FAT1: variants seen among roughly 807,000 people sequenced by gnomAD.
The protein encoded by FAT1 is FAT atypical cadherin 1, also known as protocadherin Fat 1.
In FAT1, 171 loss-of-function variants were observed where a neutral mutation model predicts 329.8. The ratio of observed to expected loss-of-function variants is 0.52; its 90% confidence interval spans 0.46 to 0.59. The LOEUF is 0.59. FAT1 is among the 20% of genes least tolerant of loss of function. FAT1 has a pLI of 0.00. For missense variants in FAT1, 5,672 were observed against 5,774.4 expected (o/e 0.98, Z 0.57); for synonymous variants, 2,233 against 2,228.6 (o/e 1.00, Z -0.06).
chr4:186,644,361 T>C (rs1741258158), intron 3 of FAT1, among the ~76,000 whole-genome samples: 1 of 152,236 alleles, frequency 6.6e-6, no homozygotes, highest in African/African-American at 2.4e-5. Flanking sequence ...TTGTGTTTCA[T>C]CTTCCTCTTC....
rs1268387615 is a variant in FAT1 at position 186,588,380 on chromosome 4, C to T, written c.*212G>A. 5.4e-6 allele frequency: 3 copies of T among 555,426 alleles called. No individual in the cohort carries two copies. Among genetic ancestry groups the T allele is most frequent in the South Asian group, 6.0e-5 (2 of 33,328 alleles). 34.4% of individuals were successfully genotyped at this position (555,426 alleles called of 1,614,324 possible). A position where few individuals can be genotyped will look rare whatever the true frequency, so the allele number is the denominator to read the frequency against. The stretch of plus-strand genomic sequence containing the variant: ...ACAGACAGATGTAAATCCCAAAAGA[C>T]GTTGGGAAATGGCACAGCCGATGAA... On this transcript the variant is annotated 3_prime_UTR_variant, in exon 27 of 27. Transcript: ENST00000441802.
In FAT1 at chr4:186,619,403, A is replaced by G. The variant is rs371310336; in HGVS notation, c.7183T>C (p.Tyr2395His). 35 of 1,613,880 alleles carry G rather than the reference A, an allele frequency of 2.2e-5. No individual in the cohort carries two copies. Among genetic ancestry groups the G allele is most frequent in the Middle Eastern group, 1.6e-4 (1 of 6,080 alleles). Residue 2395 changes from tyrosine (Y) to histidine (H), a missense_variant, in exon 10 of 27, where the codon TAT (tyrosine) becomes CAT (histidine). Tyr to His is a moderately conservative substitution (Grantham distance 83). This residue lies in a region of FAT1 where 3,966 missense variants were observed against 3,915.2 expected (regional missense o/e 1.01). Transcript: ENST00000441802. Reference protein sequence around the residue: ...DNPPLFEQQIYEARISEHAPH... With the variant: ...DNPPLFEQQIHEARISEHAPH... The stretch of plus-strand genomic sequence containing the variant: ...GCGTGCTCGCTAATTCTGGCTTCAT[A>G]AATCTGTTGTTCAAAGAGTGGTGGA...
At chr4:186,622,529 T>C (rs943490559) in intron 9 of FAT1, among the ~76,000 whole-genome samples, 9 of 152,328 alleles carry the variant, frequency 5.9e-5, no homozygotes, top group Admixed American at 3.9e-4. Context: ...CAACCAAAAA[T>C]ATCTGGTTCC....
chr4:186,591,740 C>A (rs1469755461), intron 26 of FAT1, among the ~76,000 whole-genome samples: 1 of 152,150 alleles, frequency 6.6e-6, no homozygotes, highest in Non-Finnish European at 1.5e-5. Flanking sequence ...GAAGTGTAGG[C>A]GTCATCAGTA....
chr4:186,592,322 C>G (rs1226983121), intron 26 of FAT1, among the ~76,000 whole-genome samples: 1 of 152,146 alleles, frequency 6.6e-6, no homozygotes, highest in Non-Finnish European at 1.5e-5. Context: ...GAGTCAGTTA[C>G]AGGTTAATTA....
At chr4:186,645,366 CATATATAT>C (rs70964973) in intron 3 of FAT1, among the ~76,000 whole-genome samples, 480 of 35,128 alleles carry the variant, frequency 0.014, 4 homozygotes, top group Non-Finnish European at 0.018. Context: ...TACTTCATTA[CATATATAT>C]ATATATATAT....
Position 186,603,280 on chromosome 4 carries a change from T to A in FAT1, c.11246A>T (p.Asp3749Val), listed in dbSNP as rs2126425637. The A allele has an allele frequency of 6.2e-7, 1 of 1,613,946 alleles. No homozygotes were observed. The highest frequency in any genetic ancestry group is 1.7e-5 in the Admixed American group (1 of 60,014). Residue 3749 changes from aspartate to valine, a missense_variant, in exon 19 of 27, where the codon GAT becomes GTT. Asp to Val is a radical substitution (Grantham distance 152, BLOSUM62 -3). Around this residue, in one of 2 missense-constraint regions of FAT1, gnomAD observed 1,706 missense variants for 1,859.1 expected, o/e 0.92. Transcript: ENST00000441802. Reference protein sequence around the residue: ...AGLDCPWKFCDEKVSVDESVM... With the variant: ...AGLDCPWKFCVEKVSVDESVM... ...ACTTTCATCCACAGACACCTTTTCA[T>A]CGCAGAACTTCCAGGGGCAGTCCAG...
chr4:186,692,827 T>C (rs560663294), intron 2 of FAT1, among the ~76,000 whole-genome samples: 2 of 152,240 alleles, frequency 1.3e-5, no homozygotes, highest in East Asian at 3.9e-4. Context: ...CAGGAAGTGG[T>C]GCTAATGAGA....
chr4:186,651,879 C>T (rs1046826206), intron 3 of FAT1, among the ~76,000 whole-genome samples: 3 of 152,198 alleles, frequency 2.0e-5, no homozygotes, highest in Admixed American at 6.5e-5. Flanking sequence ...CGCGCTCTTT[C>T]GGCAGCTGTG....
At chr4:186,592,812 G>A (rs1307758292) in intron 26 of FAT1, 2 of 455,636 alleles carry the variant, frequency 4.4e-6, no homozygotes, top group Non-Finnish European at 8.8e-6. Context: ...AGAAAACAGT[G>A]CATGAAATAA....
rs3733405 is a variant in FAT1, at chr4:186,618,063, G to A, written c.8523C>T (p.Asn2841=). 0.042 allele frequency: 67,937 copies of A among 1,613,862 alleles called. 3,128 individuals are homozygous for A. Among genetic ancestry groups the A allele is most frequent in the Admixed American group, 0.2 (11,993 of 60,020 alleles). The change falls in exon 10 of 27, where the codon AAC becomes AAT. Residue 2841 remains asparagine, a synonymous_variant. Coordinates refer to ENST00000441802, the MANE Select transcript of FAT1 (RefSeq NM_005245.4). The stretch of plus-strand genomic sequence containing the variant: ...GATCCAGGCTATACATAACTTGGCC[G>A]TTGGTTCCTGAGTCAGCATCAGATG... ...IRASDADSGT[N]GQVMYSLDQS...
intron 9 of FAT1, among the ~76,000 whole-genome samples, chr4:186,624,095 A>T (rs1191924641): frequency 6.6e-6 from 1 of 152,224 alleles, no homozygotes; most frequent in Non-Finnish European, 1.5e-5. Context: ...GCCTAACAAC[A>T]GGTTCATTCA....
At chr4:186,687,287 CA>C (rs1176675727) in intron 2 of FAT1, among the ~76,000 whole-genome samples, 2 of 152,162 alleles carry the variant, frequency 1.3e-5, no homozygotes, top group Admixed American at 1.3e-4. Flanking sequence ...AATCTGCCAT[CA>C]TTTTGATTTC....
intron 9 of FAT1, among the ~76,000 whole-genome samples, chr4:186,622,392 G>A (rs1338840283): frequency 2.0e-5 from 3 of 152,154 alleles, no homozygotes; most frequent in Non-Finnish European, 1.5e-5. Flanking sequence ...CTCCCTAGGA[G>A]ACATCTGGTA....
intron 11 of FAT1, among the ~76,000 whole-genome samples, chr4:186,614,902 C>T (rs1739632194): frequency 6.6e-6 from 1 of 152,118 alleles, no homozygotes; most frequent in African/African-American, 2.4e-5. Context: ...GATCCTGGTG[C>T]CCTCTCTCCT....
chr4:186,629,982 G>T (rs1399510114), intron 7 of FAT1, among the ~76,000 whole-genome samples: 1 of 152,116 alleles, frequency 6.6e-6, no homozygotes, highest in East Asian at 1.9e-4. Flanking sequence ...CCATGTAGTG[G>T]GTACTGAGCA....
chr4:186,589,174 C>G lies in FAT1; in HGVS notation c.13185G>C (p.Pro4395=), dbSNP rs372757271. 7 of 1,613,416 alleles carry G rather than the reference C, an allele frequency of 4.3e-6. No homozygotes were observed. The highest frequency in any genetic ancestry group is 5.9e-6 in the Non-Finnish European group (7 of 1,179,788). The change falls in exon 27 of 27, where the codon CCG becomes CCC. Residue 4395 remains proline (P), a synonymous_variant. Coordinates refer to ENST00000441802, the MANE Select transcript of FAT1 (RefSeq NM_005245.4). Reference sequence around the variant, plus strand: ...CATAGTTGGGGAACTCTTGTATGTCCGGCAGAGGAACGCTTGGCATCCAAT... The same window carrying G: ...CATAGTTGGGGAACTCTTGTATGTCGGGCAGAGGAACGCTTGGCATCCAAT... ...TSDWMPSVPL[P]DIQEFPNYEV...
intron 2 of FAT1, among the ~76,000 whole-genome samples, chr4:186,706,187 T>C (rs1744579057): frequency 6.6e-6 from 1 of 152,190 alleles, no homozygotes; most frequent in Non-Finnish European, 1.5e-5. Flanking sequence ...AGTATGAGCC[T>C]GCAAATACAC....
At chr4:186,721,326 G>A (rs1745460853) in intron 1 of FAT1, among the ~76,000 whole-genome samples, 1 of 152,134 alleles carries the variant, frequency 6.6e-6, no homozygotes, top group South Asian at 2.1e-4. Flanking sequence ...GTTCCCCTCA[G>A]GTATGAGAAA....
Sources: allele counts gnomAD v4.1 joint callset (sites outside exome capture counted in the v4.1 genomes callset), GRCh38; gene constraint gnomAD v4.1.1; regional missense constraint gnomAD v4.1.1; transcripts MANE v1.5; gene names NCBI Gene and HGNC (gene_info 2026-07-23, HGNC 2026-07-21).